LRP1B: variants seen among roughly 807,000 people sequenced by gnomAD.
LRP1B encodes the protein LDL receptor related protein 1B.
In LRP1B, 217 loss-of-function variants were observed where a neutral mutation model predicts 556.6. The ratio of observed to expected loss-of-function variants is 0.39; its 90% CI spans 0.35 to 0.44. The LOEUF (loss-of-function observed/expected upper bound fraction) is 0.44, where lower values mean the gene tolerates loss of function less well. LRP1B is among the 20% of genes least tolerant of loss of function. LRP1B has a pLI of 1.00. For missense variants in LRP1B, 5,053 were observed against 5,620.8 expected (o/e 0.90, Z 3.23); for synonymous variants, 2,047 against 1,865.8 (o/e 1.10, Z -2.50).
intron 2 of LRP1B, among the ~76,000 whole-genome samples, chr2:141,585,562 T>C (rs1367176135): frequency 6.6e-6 from 1 of 151,724 alleles, no homozygotes; most frequent in Non-Finnish European, 1.5e-5. Flanking sequence ...GTTGAAGGCA[T>C]GCTTGCCATA....
chr2:140,441,481 C>G (rs889574761), intron 66 of LRP1B, among the ~76,000 whole-genome samples: 2 of 152,094 alleles, frequency 1.3e-5, no homozygotes, highest in Non-Finnish European at 2.9e-5. Flanking sequence ...GTGGCATATT[C>G]TAAAGACCCA....
At chr2:141,240,125 A>T (rs1395976371) in intron 5 of LRP1B, among the ~76,000 whole-genome samples, 1 of 152,102 alleles carries the variant, frequency 6.6e-6, no homozygotes, top group Non-Finnish European at 1.5e-5. Flanking sequence ...ACATTTAAAA[A>T]TGAAATCAAT....
intron 20 of LRP1B, among the ~76,000 whole-genome samples, chr2:140,947,892 T>C (rs974566573): frequency 6.6e-6 from 1 of 152,142 alleles, no homozygotes; most frequent in East Asian, 1.9e-4. Flanking sequence ...TCCATAATTA[T>C]ACAAGAGATA....
chr2:140,927,884 T>C lies in LRP1B; in HGVS notation c.3137-4737A>G, dbSNP rs1694934904. Among the ~76,000 whole-genome samples, 2 of 151,698 alleles carry C rather than the reference T, an allele frequency of 1.3e-5. 1 individual carries two copies. Among genetic ancestry groups the C allele is most frequent in the South Asian group, 4.1e-4 (2 of 4,836 alleles). On this transcript the variant is annotated intron_variant, in intron 20 of 90. Coordinates refer to ENST00000389484, the MANE Select transcript of LRP1B (RefSeq NM_018557.3). ...ATCATGCCCGGCTATTCATTTATTTTTATTTTTATTTTTTATTTTATTTAT... is the reference window on the plus strand; with the variant it reads ...ATCATGCCCGGCTATTCATTTATTTCTATTTTTATTTTTTATTTTATTTAT...
intron 3 of LRP1B, among the ~76,000 whole-genome samples, chr2:141,301,345 G>A (rs184575416): frequency 6.6e-6 from 1 of 152,262 alleles, no homozygotes; most frequent in Non-Finnish European, 1.5e-5. Context: ...TGGTAATACA[G>A]TGAATATGTT....
chr2:141,656,526 T>A (rs1690015676), intron 2 of LRP1B, among the ~76,000 whole-genome samples: 1 of 152,154 alleles, frequency 6.6e-6, no homozygotes, highest in Non-Finnish European at 1.5e-5. Flanking sequence ...CAAAGAACAT[T>A]TTTATTTCTA....
chr2:141,649,506 G>A (rs948077153), intron 2 of LRP1B, among the ~76,000 whole-genome samples: 1 of 152,098 alleles, frequency 6.6e-6, no homozygotes, highest in Non-Finnish European at 1.5e-5. Flanking sequence ...TAAGAAAAAT[G>A]CTCAAGATAT....
chr2:140,459,365 T>C (rs1010607311), intron 60 of LRP1B, among the ~76,000 whole-genome samples: 5 of 152,158 alleles, frequency 3.3e-5, no homozygotes, highest in Non-Finnish European at 7.4e-5. Context: ...AATAAAAATT[T>C]ACAGGAAATG....
At chr2:140,790,254 A>G (rs1482769946) in intron 32 of LRP1B, among the ~76,000 whole-genome samples, 1 of 152,114 alleles carries the variant, frequency 6.6e-6, no homozygotes, top group Non-Finnish European at 1.5e-5. Context: ...TTCTGGTGGA[A>G]ATTCTGGTCT....
At chr2:142,069,134 T>A (rs934366441) in intron 1 of LRP1B, among the ~76,000 whole-genome samples, 1 of 151,492 alleles carries the variant, frequency 6.6e-6, no homozygotes, top group African/African-American at 2.4e-5. Context: ...TTCACTTAAG[T>A]GAAATTTGTG....
At chr2:141,291,224 A>G (rs1432857742) in intron 3 of LRP1B, among the ~76,000 whole-genome samples, 2 of 152,176 alleles carry the variant, frequency 1.3e-5, no homozygotes, top group South Asian at 2.1e-4. Context: ...TGTAACTAAA[A>G]TATCTTACTT....
intron 2 of LRP1B, among the ~76,000 whole-genome samples, chr2:141,782,994 A>T (rs1695314226): frequency 6.6e-6 from 1 of 152,118 alleles, no homozygotes; most frequent in Non-Finnish European, 1.5e-5. Flanking sequence ...ATAGAATCAG[A>T]GAATGTTAAG....
chr2:141,242,037 T>C (rs1264672431), intron 5 of LRP1B, among the ~76,000 whole-genome samples: 1 of 152,176 alleles, frequency 6.6e-6, no homozygotes, highest in Non-Finnish European at 1.5e-5. Context: ...TCTTATCCAC[T>C]AGTCTCATAA....
chr2:141,888,495 A>G (rs1226092166), intron 1 of LRP1B, among the ~76,000 whole-genome samples: 2 of 152,206 alleles, frequency 1.3e-5, no homozygotes, highest in Non-Finnish European at 2.9e-5. Flanking sequence ...CACCAGGGCT[A>G]AATCTACTGT....
intron 3 of LRP1B, among the ~76,000 whole-genome samples, chr2:141,285,580 C>T (rs1257901544): frequency 6.8e-6 from 1 of 147,722 alleles, no homozygotes; most frequent in Non-Finnish European, 1.5e-5. Context: ...CTCAGCCTCC[C>T]ACGTAGCTGG....
chr2:141,015,093 T>A (rs2105387938), intron 13 of LRP1B, among the ~76,000 whole-genome samples: 1 of 152,234 alleles, frequency 6.6e-6, no homozygotes, highest in African/African-American at 2.4e-5. Context: ...TACTAAAACA[T>A]GAAATATAGA....
chr2:141,015,020 T>A (rs1017021054), intron 13 of LRP1B, among the ~76,000 whole-genome samples: 5 of 152,100 alleles, frequency 3.3e-5, no homozygotes, highest in Admixed American at 1.3e-4. Flanking sequence ...ATTTCTAACA[T>A]CCCCTTTTTC....
chr2:141,248,296 A>G (rs1202805562), intron 4 of LRP1B, among the ~76,000 whole-genome samples: 1 of 152,168 alleles, frequency 6.6e-6, no homozygotes, highest in Non-Finnish European at 1.5e-5. Context: ...CCTGCAGAAG[A>G]CAAAATCAAT....
chr2:140,821,535 A>T (rs1035519041), intron 31 of LRP1B, among the ~76,000 whole-genome samples: 7 of 152,194 alleles, frequency 4.6e-5, no homozygotes, highest in African/African-American at 7.2e-5. Flanking sequence ...AGACTTTTTT[A>T]AAAAATTTAC....
Sources: gnomAD v4.1 joint callset for allele counts (sites outside exome capture counted in the v4.1 genomes callset) on GRCh38, gnomAD v4.1.1 for gene constraint, MANE v1.5 for transcripts, NCBI Gene and HGNC (gene_info 2026-07-23, HGNC 2026-07-21) for gene names.